Variants in PDE7A observed in about 807,000 individuals in gnomAD.
The protein encoded by PDE7A is high affinity 3',5'-cyclic-AMP phosphodiesterase 7A.
PDE7A carries 39 observed loss-of-function variants against 64.3 expected under a neutral mutation model. The observed-to-expected ratio is 0.61, with a 90% CI of 0.47 to 0.79. The LOEUF (loss-of-function observed/expected upper bound fraction) is 0.79. PDE7A is among the 30% of genes least tolerant of loss of function. The pLI, the probability that PDE7A is intolerant of heterozygous loss-of-function variation, is 0.00. For missense variants in PDE7A, 470 were observed against 582.8 expected (o/e 0.81, Z 1.99); for synonymous variants, 203 against 206.8 (o/e 0.98, Z 0.16).
intron 5 of PDE7A, among the ~76,000 whole-genome samples, chr8:65,742,184 C>T (rs79188566): frequency 6.6e-6 from 1 of 152,230 alleles, no homozygotes; most frequent in East Asian, 1.9e-4. Flanking sequence ...GAAAAGCTAC[C>T]CACATAAAAA....
chr8:65,834,162 CCT>C (rs1215297131), intron 1 of PDE7A, among the ~76,000 whole-genome samples: 3 of 152,000 alleles, frequency 2.0e-5, no homozygotes, highest in Non-Finnish European at 4.4e-5. Context: ...AAGCATCACC[CCT>C]GAGACAGACC....
intron 1 of PDE7A, among the ~76,000 whole-genome samples, chr8:65,795,740 A>C (rs1809823384): frequency 6.6e-6 from 1 of 152,216 alleles, no homozygotes; most frequent in Non-Finnish European, 1.5e-5. Flanking sequence ...TGCCTACCAG[A>C]ACAGAATTTA....
chr8:65,727,163 C>T lies in PDE7A; in HGVS notation c.828+7G>A. 4.1e-6 allele frequency: 6 copies of T among 1,474,284 alleles called. No homozygotes were observed. Among genetic ancestry groups the T allele is most frequent in the African/African-American group, 1.4e-5 (1 of 72,082 alleles). 91.3% of individuals were successfully genotyped at this position (1,474,284 alleles called of 1,614,324 possible). ...ATAATAAATCTTGATGATAAAATTG[C>T]ACTAACCTTGTATAAAGTTGCCAAG... On this transcript the variant is annotated splice_region_variant and intron_variant, in intron 8 of 12. Transcript: ENST00000401827.
chr8:65,757,102 A>C (rs993651839), intron 3 of PDE7A, among the ~76,000 whole-genome samples: 1 of 152,102 alleles, frequency 6.6e-6, no homozygotes, highest in Non-Finnish European at 1.5e-5. Context: ...TCATAATGTC[A>C]GCATTCCTTC....
chr8:65,818,040 C>T (rs1245798277), intron 1 of PDE7A, among the ~76,000 whole-genome samples: 1 of 152,182 alleles, frequency 6.6e-6, no homozygotes. Flanking sequence ...GCATGAGCCA[C>T]CACACCCAGC....
chr8:65,842,022 C>T lies in PDE7A; in HGVS notation c.-514G>A. 4.5e-6 allele frequency: 1 copy of T among 220,546 alleles called. No homozygotes were observed. Among genetic ancestry groups the T allele is most frequent in the Non-Finnish European group, 8.7e-6 (1 of 114,936 alleles). 13.7% of individuals were successfully genotyped at this position (220,546 alleles called of 1,614,324 possible). A position where few individuals can be genotyped will look rare whatever the true frequency, so the allele number is the denominator to read the frequency against. On this transcript the variant is annotated 5_prime_UTR_variant, in exon 1 of 13. Transcript: ENST00000401827. ...GTCCTGCTCCTCCCCTCCCCCGGAGCCTGACTTCACTCCGCCGCCGGCGCG... is the reference window on the plus strand; with the variant it reads ...GTCCTGCTCCTCCCCTCCCCCGGAGTCTGACTTCACTCCGCCGCCGGCGCG...
intron 3 of PDE7A, among the ~76,000 whole-genome samples, chr8:65,770,154 TGTGTGTGTGC>T (rs1563499627): frequency 7.5e-6 from 1 of 134,202 alleles, no homozygotes; most frequent in African/African-American, 2.6e-5. Context: ...TGTGTGTGTG[TGTGTGTGTGC>T]CACACCTAAT....
intron 5 of PDE7A, 37 bp from the exon 6 acceptor site, chr8:65,739,634 TACA>T: frequency 6.9e-7 from 1 of 1,451,834 alleles, no homozygotes; most frequent in Non-Finnish European, 9.1e-7. Flanking sequence ...TAGTAGGAAA[TACA>T]AGTCAACACA....
At chr8:65,809,838 C>A (rs1300730255) in intron 1 of PDE7A, among the ~76,000 whole-genome samples, 1 of 152,136 alleles carries the variant, frequency 6.6e-6, no homozygotes, top group Non-Finnish European at 1.5e-5. Context: ...ATTAAAAAGT[C>A]AGGAAACAAC....
Position 65,747,687 on chromosome 8 carries a change from T to C in PDE7A, c.400A>G (p.Asn134Asp). The change falls in exon 4 of 13, where the codon AAC (asparagine) becomes GAC (aspartate). Residue 134 changes from asparagine to aspartate, a missense_variant. Physicochemically the swap from Asn to Asp is conservative, Grantham distance 23 (BLOSUM62 1). Coordinates refer to ENST00000401827, the MANE Select transcript of PDE7A (RefSeq NM_001242318.3). ...FRGTAVSNSL[N>D]ILDDDYNGQA... Reference sequence around the variant, plus strand: ...CCATTATAATCATCATCTAAAATGTTTAGGGAATTTGAAACCGCAGTACCA... The same window carrying C: ...CCATTATAATCATCATCTAAAATGTCTAGGGAATTTGAAACCGCAGTACCA... 6.2e-7 allele frequency: 1 copy of C among 1,611,368 alleles called. No individual in the cohort carries two copies. Among genetic ancestry groups the C allele is most frequent in the Non-Finnish European group, 8.5e-7 (1 of 1,178,102 alleles).
At chr8:65,774,340 T>C (rs990738096) in intron 3 of PDE7A, among the ~76,000 whole-genome samples, 1 of 152,108 alleles carries the variant, frequency 6.6e-6, no homozygotes, top group African/African-American at 2.4e-5. Flanking sequence ...TTATATTTGC[T>C]TTATAAAATT....
intron 3 of PDE7A, among the ~76,000 whole-genome samples, chr8:65,766,770 C>T (rs1261431714): frequency 6.6e-6 from 1 of 152,170 alleles, no homozygotes; most frequent in Non-Finnish European, 1.5e-5. Context: ...GGAGACCAAA[C>T]AGGTTAACGT....
chr8:65,723,584 T>G lies in PDE7A; in HGVS notation c.1200A>C (p.Pro400=), dbSNP rs1238495379. The G allele has an allele frequency of 6.3e-7, 1 of 1,584,768 alleles. No homozygotes were observed. The highest frequency in any genetic ancestry group is 1.8e-5 in the Admixed American group (1 of 55,984). Residue 400 remains proline, a synonymous_variant, in exon 12 of 13, where the codon CCA becomes CCC. Transcript: ENST00000401827. ...IEKKYHLGVS[P]LCDRHTESIA... is the part of the protein sequence containing the mutation. ...TAGATTCAGTGTGACGATCGCAAAG[T>G]GGACTCACACCCAAATGATATTTTT...
Position 65,727,309 on chromosome 8 carries a change from GT to G in PDE7A, c.697-9del. On this transcript the variant is annotated splice_polypyrimidine_tract_variant and intron_variant, in intron 7 of 12. Coordinates refer to ENST00000401827, the MANE Select transcript of PDE7A (RefSeq NM_001242318.3). ...AGTTACAGAATTGGCAAGCTGAAGT[GT>G]GACAAAAGAATAATGAATCACAGAT... 1 of 1,611,926 alleles carries G rather than the reference GT, an allele frequency of 6.2e-7. No homozygotes were observed. Among genetic ancestry groups the G allele is most frequent in the Non-Finnish European group, 8.5e-7 (1 of 1,178,448 alleles).
At chr8:65,773,728 A>AT (rs1482972695) in intron 3 of PDE7A, among the ~76,000 whole-genome samples, 1 of 152,124 alleles carries the variant, frequency 6.6e-6, no homozygotes, top group African/African-American at 2.4e-5. Context: ...TTTCCTAGTG[A>AT]TTTAGATAGT....
Position 65,747,702 on chromosome 8 carries a change from C to A in PDE7A, c.385G>T (p.Val129Phe). 1 of 1,611,994 alleles carries A rather than the reference C, an allele frequency of 6.2e-7. No individual in the cohort carries two copies. Among genetic ancestry groups the A allele is most frequent in the Non-Finnish European group, 8.5e-7 (1 of 1,178,354 alleles). The change falls in exon 4 of 13, where the codon GTT becomes TTT. Residue 129 changes from valine (V) to phenylalanine (F), a missense_variant. Transcript: ENST00000401827. ...TCTAAAATGTTTAGGGAATTTGAAA[C>A]CGCAGTACCACGAAAAAAGCGTGAA... ...RSSRFFRGTA[V>F]SNSLNILDDD... is the part of the protein sequence containing the mutation.
intron 1 of PDE7A, among the ~76,000 whole-genome samples, chr8:65,835,311 T>C (rs1012088360): frequency 2.6e-5 from 4 of 152,224 alleles, no homozygotes; most frequent in Non-Finnish European, 5.9e-5. Context: ...AAATAGATTT[T>C]ACATAAACAC....
intron 3 of PDE7A, among the ~76,000 whole-genome samples, chr8:65,770,600 C>T (rs1809037116): frequency 6.6e-6 from 1 of 152,196 alleles, no homozygotes; most frequent in South Asian, 2.1e-4. Context: ...AACCTCTAAA[C>T]ACTTCAGTGA....
Position 65,841,494 on chromosome 8 carries a change from G to A in PDE7A, c.15C>T (p.Tyr5=), listed in dbSNP as rs369071739. ...TGTCCAGGGGCAGTACCGGCAGCTGGTAACACACTTCCATTGAATACGCCC... is the reference window on the plus strand; with the variant it reads ...TGTCCAGGGGCAGTACCGGCAGCTGATAACACACTTCCATTGAATACGCCC... The part of the protein sequence containing the change: MEVC[Y]QLPVLPLDRP... The change falls in exon 1 of 13, where the codon TAC becomes TAT. Residue 5 remains tyrosine, a synonymous_variant. Coordinates refer to ENST00000401827, the MANE Select transcript of PDE7A (RefSeq NM_001242318.3). 3.2e-6 allele frequency: 5 copies of A among 1,542,890 alleles called. No homozygotes were observed. The African/African-American group carries it at 5.7e-5, about 18-fold the overall frequency.
Sources: allele counts gnomAD v4.1 joint callset (sites outside exome capture counted in the v4.1 genomes callset), GRCh38; gene constraint gnomAD v4.1.1; transcripts MANE v1.5; gene names NCBI Gene and HGNC (gene_info 2026-07-23, HGNC 2026-07-21).